The following PRSS57 variants were observed in gnomAD, a reference collection of about 807,000 sequenced individuals.
PRSS57 encodes the protein serine protease 57, also known as neutrophil serine protease 4.
Under a neutral mutation model 20.6 loss-of-function variants are expected in PRSS57, and 19 were observed. The observed-to-expected ratio is 0.92, with a 90% CI of 0.64 to 1.35. PRSS57 has a LOEUF of 1.35. Among genes scored for constraint, PRSS57 ranks in the 40% most tolerant of loss-of-function variants. PRSS57 has a pLI of 0.00. For missense variants in PRSS57, 440 were observed against 403.7 expected (o/e 1.09, Z -0.77); for synonymous variants, 203 against 176.6 (o/e 1.15, Z -1.19).
At chr19:694,765 AT>A in intron 2 of PRSS57, 48 bp downstream of exon 2, 1 of 1,545,494 alleles carries the variant, frequency 6.5e-7, no homozygotes, top group Non-Finnish European at 8.7e-7. Context: ...AGTCCCCCTC[AT>A]GTCGGGATAC....
Position 685,921 on chromosome 19 carries a change from G to A in PRSS57, c.644C>T (p.Ala215Val), listed in dbSNP as rs1281677675. The A allele has an allele frequency of 1.3e-6, 2 of 1,536,636 alleles. No individual in the cohort carries two copies. Among genetic ancestry groups the A allele is most frequent in the Non-Finnish European group, 1.8e-6 (2 of 1,138,030 alleles). The stretch of plus-strand genomic sequence containing the variant: ...GCACACCAGGGGCCCTCCGGAGTCG[G>A]CCTGGAGTGAAAGGAGAGGTGAGGT... ...GDSHRRGFCS[A>V]DSGGPLVCRN... is the part of the protein sequence containing the mutation. The change falls in exon 5 of 5, where the codon GCC becomes GTC. Residue 215 changes from alanine to valine, a missense_variant and splice_region_variant. Transcript: ENST00000329267.
intron 4 of PRSS57, among the ~76,000 whole-genome samples, chr19:686,623 G>A (rs935262943): frequency 3.3e-5 from 5 of 152,120 alleles, no homozygotes; most frequent in Non-Finnish European, 5.9e-5. Context: ...CTGGGGATTC[G>A]TTTATCTGGC....
chr19:686,344 T>A (rs12983321), intron 4 of PRSS57, among the ~76,000 whole-genome samples: 17,913 of 151,786 alleles, frequency 0.12, 1,224 homozygotes, highest in African/African-American at 0.17. Flanking sequence ...GGGCTCCCCG[T>A]ATACTCACCC....
At chr19:690,723 TG>T in intron 3 of PRSS57, 1 of 341,952 alleles carries the variant, frequency 2.9e-6, no homozygotes, top group Non-Finnish European at 5.6e-6. Context: ...CACGTCGGTC[TG>T]GGTGTTGAGT....
intron 2 of PRSS57, among the ~76,000 whole-genome samples, chr19:693,948 G>C (rs983055646): frequency 2.0e-5 from 3 of 152,090 alleles, no homozygotes; most frequent in Admixed American, 6.6e-5. Flanking sequence ...CACTGTATTA[G>C]CCAGGATGGT....
chr19:686,652 G>T (rs2031481679), intron 4 of PRSS57, among the ~76,000 whole-genome samples: 1 of 152,120 alleles, frequency 6.6e-6, no homozygotes, highest in African/African-American at 2.4e-5. Flanking sequence ...AGGAGTGGGA[G>T]CTGCTTCCTC....
rs746024289 is a variant in PRSS57 at position 694,922 on chromosome 19, TGG to T, written c.123_124del (p.His42LeufsTer124). ...CACGGATGCCATGTAGGGCCTGGAG[TGG>T]GGGGTCACCTCGTGGCCCCCGATGA... On this transcript the variant is annotated frameshift_variant, in exon 2 of 5. Coordinates refer to ENST00000329267, the MANE Select transcript of PRSS57 (RefSeq NM_001308209.2). LOFTEE classifies it high-confidence loss of function. The T allele has an allele frequency of 6.3e-7, 1 of 1,587,534 alleles. No homozygotes were observed. The highest frequency in any genetic ancestry group is 1.8e-5 in the Admixed American group (1 of 56,658).
intron 3 of PRSS57, 78 bp from the exon 4 acceptor site, chr19:687,266 CT>C (rs2031508742): frequency 2.8e-6 from 4 of 1,413,454 alleles, no homozygotes; most frequent in Non-Finnish European, 3.7e-6. Flanking sequence ...CATGGGACCC[CT>C]GGTCCTGCCC....
chr19:685,571 C>T lies in PRSS57; in HGVS notation c.*145G>A. The T allele has an allele frequency of 2.6e-6, 2 of 762,504 alleles. No individual in the cohort carries two copies. Among genetic ancestry groups the T allele is most frequent in the South Asian group, 3.9e-5 (2 of 51,628 alleles). 47.2% of individuals were successfully genotyped at this position (762,504 alleles called of 1,614,324 possible). A position where few individuals can be genotyped will look rare whatever the true frequency, so the allele number is the denominator to read the frequency against. On this transcript the variant is annotated 3_prime_UTR_variant, in exon 5 of 5. Transcript: ENST00000329267. ...GTCAGTTAACATTTTACTGGGTTTG[C>T]TTCTGCCCTTTGCATGTGGAATGGG... is the stretch of plus-strand genomic sequence containing the variant.
At chr19:688,315 G>A (rs1288193694) in intron 3 of PRSS57, among the ~76,000 whole-genome samples, 1 of 151,324 alleles carries the variant, frequency 6.6e-6, no homozygotes, top group Non-Finnish European at 1.5e-5. Flanking sequence ...TCACCCAAAA[G>A]CTTTGGCTAC....
Position 685,863 on chromosome 19 carries a change from C to G in PRSS57, c.702G>C (p.Ser234=). Residue 234 remains serine (S), a synonymous_variant, in exon 5 of 5, where the codon TCG becomes TCC. Coordinates refer to ENST00000329267, the MANE Select transcript of PRSS57 (RefSeq NM_001308209.2). ...TCTTGGGGTCGCCGCACCAGAGGCC[C>G]GAGAAGGAAACGAGGCCGTGAGCCC... ...RNRAHGLVSF[S]GLWCGDPKTP... 1.3e-6 allele frequency: 2 copies of G among 1,558,104 alleles called. No homozygotes were observed. The highest frequency in any genetic ancestry group is 8.7e-7 in the Non-Finnish European group (1 of 1,151,484).
chr19:694,572 A>C (rs2144819326), intron 2 of PRSS57, among the ~76,000 whole-genome samples: 1 of 151,816 alleles, frequency 6.6e-6, no homozygotes, highest in East Asian at 1.9e-4. Context: ...AAAAAAAAAA[A>C]AGAACATAGT....
intron 3 of PRSS57, chr19:690,379 G>T: frequency 6.3e-6 from 1 of 158,204 alleles, no homozygotes; most frequent in South Asian, 1.5e-4. Context: ...TCGGTGCAGT[G>T]GGGCGGCCCT....
intron 2 of PRSS57, among the ~76,000 whole-genome samples, chr19:692,419 C>CCTTTTTT (rs59506723): frequency 0.43 from 46,579 of 109,220 alleles, 9,019 homozygotes; most frequent in Middle Eastern, 0.46. Flanking sequence ...ATATTCTTTT[C>CCTTTTTT]CTTTTTTCTT....
intron 3 of PRSS57, among the ~76,000 whole-genome samples, chr19:688,247 G>A (rs536204273): frequency 3.8e-4 from 58 of 152,254 alleles, no homozygotes; most frequent in Non-Finnish European, 7.6e-4. Flanking sequence ...TCTGTGCGAT[G>A]GCCTCTGGGT....
intron 3 of PRSS57, among the ~76,000 whole-genome samples, chr19:691,636 A>G (rs996574163): frequency 6.6e-6 from 1 of 151,922 alleles, no homozygotes; most frequent in Non-Finnish European, 1.5e-5. Context: ...CCTGGCCAAC[A>G]TGGTGAAACC....
rs1304457200 is a variant in PRSS57 at position 685,818 on chromosome 19, C to CT, written c.746dup (p.Val250GlyfsTer43). ...AGATCCAGGCCACAAAGGCGGACAC[C>CT]TGCGTGTACACGTCGGGGGTCTTGG... is the stretch of plus-strand genomic sequence containing the variant. On this transcript the variant is annotated frameshift_variant, in exon 5 of 5. Transcript: ENST00000329267. LOFTEE classifies it low-confidence loss of function (END_TRUNC). 1.3e-6 allele frequency: 2 copies of CT among 1,566,572 alleles called. No homozygotes were observed. The highest frequency in any genetic ancestry group is 2.7e-5 in the African/African-American group (2 of 73,782).
At chr19:693,228 GCC>G (rs2031697561) in intron 2 of PRSS57, among the ~76,000 whole-genome samples, 3 of 34,014 alleles carry the variant, frequency 8.8e-5, no homozygotes, top group Admixed American at 2.2e-4. Context: ...ACCGCACCCG[GCC>G]TTTTTTTTTT....
At position 694,954 on chromosome 19, in the gene PRSS57, G is replaced by C. The variant is rs746939537; in HGVS notation, c.93C>G (p.Ala31=). ...TCACCTCGTGGCCCCCGATGATCTG[G>C]GCCCCCCAGGAGCCTGCTGGAGGGA... is the stretch of plus-strand genomic sequence containing the variant. ...LPVKPPGSWG[A]QIIGGHEVTP... Residue 31 remains alanine (A), a synonymous_variant, in exon 2 of 5, where the codon GCC becomes GCG. Coordinates refer to ENST00000329267, the MANE Select transcript of PRSS57 (RefSeq NM_001308209.2). 6.4e-7 allele frequency: 1 copy of C among 1,559,238 alleles called. No homozygotes were observed. Among genetic ancestry groups the C allele is most frequent in the Non-Finnish European group, 8.7e-7 (1 of 1,153,590 alleles).
Sources: allele counts gnomAD v4.1 joint callset (sites outside exome capture counted in the v4.1 genomes callset), GRCh38; gene constraint gnomAD v4.1.1; transcripts MANE v1.5; gene names NCBI Gene and HGNC (gene_info 2026-07-23, HGNC 2026-07-21).